JAKMIP3: variants seen among roughly 807,000 people sequenced by gnomAD.
The protein encoded by JAKMIP3 is Janus kinase and microtubule interacting protein 3, also known as janus kinase and microtubule-interacting protein 3.
Under a neutral mutation model 118.5 loss-of-function variants are expected in JAKMIP3, and 58 were observed. The observed-to-expected ratio is 0.49, with a 90% CI of 0.40 to 0.61. The LOEUF is 0.61. Among genes scored for constraint, JAKMIP3 ranks in the 20% least tolerant of loss-of-function variants. The pLI, the probability that JAKMIP3 is intolerant of heterozygous loss-of-function variation, is 0.00. For missense variants in JAKMIP3, 950 were observed against 1,109.0 expected (o/e 0.86, Z 2.04); for synonymous variants, 486 against 451.2 (o/e 1.08, Z -0.98).
chr10:132,056,534 C>A (rs1436657781), intron 1 of JAKMIP3, among the ~76,000 whole-genome samples: 1 of 152,194 alleles, frequency 6.6e-6, no homozygotes, highest in Non-Finnish European at 1.5e-5. Flanking sequence ...AGAGTTCCTG[C>A]ACCTGGTGTT....
chr10:132,156,778 G>GTCTT (rs1482351216), intron 19 of JAKMIP3, among the ~76,000 whole-genome samples: 14 of 152,340 alleles, frequency 9.2e-5, no homozygotes, highest in Admixed American at 9.1e-4. Context: ...CATAGGTGAA[G>GTCTT]AGGAAAAGAG....
chr10:132,139,070 ATGT>A (rs2052539216), intron 9 of JAKMIP3, among the ~76,000 whole-genome samples: 1 of 104,958 alleles, frequency 9.5e-6, no homozygotes, highest in African/African-American at 3.6e-5. Flanking sequence ...GTGTGTGTGT[ATGT>A]GTATGTGTGT....
intron 1 of JAKMIP3, among the ~76,000 whole-genome samples, chr10:132,071,853 C>T (rs374203341): frequency 2.6e-5 from 3 of 114,938 alleles, no homozygotes; most frequent in African/African-American, 7.6e-5. Flanking sequence ...TTCTTTCTTT[C>T]CTTTCTTTCC....
chr10:132,150,633 A>AATCC (rs1206785302), intron 16 of JAKMIP3, among the ~76,000 whole-genome samples: 1 of 151,938 alleles, frequency 6.6e-6, no homozygotes, highest in African/African-American at 2.4e-5. Flanking sequence ...TATCCTGTGT[A>AATCC]ATCCATCCAT....
chr10:132,142,821 G>A (rs1422432514), intron 11 of JAKMIP3, among the ~76,000 whole-genome samples: 2 of 152,222 alleles, frequency 1.3e-5, no homozygotes, highest in African/African-American at 2.4e-5. Flanking sequence ...CAGCTGTGGG[G>A]TGTGGGGTTC....
intron 23 of JAKMIP3, among the ~76,000 whole-genome samples, chr10:132,180,712 T>TGC (rs1483442696): frequency 2.6e-4 from 7 of 26,540 alleles, no homozygotes; most frequent in East Asian, 6.5e-3. Flanking sequence ...TGTGTGCGCG[T>TGC]GTGTGTGCGT....
At chr10:132,176,811 G>C (rs144084611) in intron 23 of JAKMIP3, among the ~76,000 whole-genome samples, 1 of 151,696 alleles carries the variant, frequency 6.6e-6, no homozygotes, top group Admixed American at 6.6e-5. Flanking sequence ...TGCTTGTTAC[G>C]AGTGCTGCTT....
chr10:132,139,812 G>T (rs57026275), intron 9 of JAKMIP3, among the ~76,000 whole-genome samples: 3,109 of 152,268 alleles, frequency 0.02, 114 homozygotes, highest in African/African-American at 0.069. Flanking sequence ...TCTGGCAGAA[G>T]AACTGGGAGG....
Position 132,093,496 on chromosome 10 carries a change from T to C in JAKMIP3, c.-137-11176T>C, listed in dbSNP as rs892217802. Among the ~76,000 whole-genome samples, 14 of 152,188 alleles carry C rather than the reference T, an allele frequency of 9.2e-5. No individual in the cohort carries two copies. The East Asian group carries it at 1.3e-3, about 15-fold the overall frequency. ...GCAGTTAGATCTCAGACTGCTGTGC[T>C]AGCAATGAGCGAGGCTCCGTGGGCG... On this transcript the variant is annotated intron_variant, in intron 1 of 23. Transcript: ENST00000684848.
At chr10:132,082,195 G>C (rs1270848946) in intron 1 of JAKMIP3, among the ~76,000 whole-genome samples, 2 of 146,170 alleles carry the variant, frequency 1.4e-5, no homozygotes, top group Admixed American at 6.8e-5. Context: ...ATTTTTTTTT[G>C]CTTCCCTTTT....
At chr10:132,138,205 G>A (rs748599999) in intron 9 of JAKMIP3, 27 bp downstream of exon 9, 9 of 1,585,318 alleles carry the variant, frequency 5.7e-6, no homozygotes, top group South Asian at 3.4e-5. Flanking sequence ...CGGCACGTGC[G>A]GAGAGTACGC....
intron 23 of JAKMIP3, among the ~76,000 whole-genome samples, chr10:132,177,521 AGTGTGTGTGT>A (rs4009680): frequency 6.9e-6 from 1 of 144,852 alleles, no homozygotes; most frequent in South Asian, 2.2e-4. Flanking sequence ...TGCCCTGGGT[AGTGTGTGTGT>A]GTGTGCACAC....
intron 10 of JAKMIP3, among the ~76,000 whole-genome samples, chr10:132,141,021 A>G (rs930544381): frequency 1.3e-5 from 2 of 152,220 alleles, no homozygotes; most frequent in African/African-American, 4.8e-5. Flanking sequence ...TGATAACAGC[A>G]CAGGTGTGTC....
intron 10 of JAKMIP3, 44 bp from the exon 11 acceptor site, chr10:132,141,876 T>C (rs1460174834): frequency 1.3e-6 from 2 of 1,569,346 alleles, no homozygotes; most frequent in Non-Finnish European, 1.7e-6. Context: ...TGCTGGCTAC[T>C]GACACTGTGT....
rs969797686 is a variant in JAKMIP3 at position 132,110,953 on chromosome 10, G to T, written c.135+6010G>T. ...TTTTGTCGTGGACACGAAGGCTCCA[G>T]CTCTGGTCTGGGCACAGCAGGGCCC... On this transcript the variant is annotated intron_variant, in intron 2 of 23. Coordinates refer to ENST00000684848, the MANE Select transcript of JAKMIP3 (RefSeq NM_001323087.2). Among the ~76,000 whole-genome samples the T allele has an allele frequency of 2.6e-5, 4 of 152,388 alleles. No individual in the cohort carries two copies. In the East Asian group the frequency reaches 7.7e-4, roughly 29 times the overall value.
At chr10:132,103,065 C>T (rs2045251102) in intron 1 of JAKMIP3, among the ~76,000 whole-genome samples, 1 of 151,998 alleles carries the variant, frequency 6.6e-6, no homozygotes, top group African/African-American at 2.4e-5. Context: ...GCTGTGTTCA[C>T]CGGGAAAGTT....
rs1212634406 is a variant in JAKMIP3 at position 132,104,775 on chromosome 10, C to T, written c.-34C>T. On this transcript the variant is annotated 5_prime_UTR_variant, in exon 2 of 24. Coordinates refer to ENST00000684848, the MANE Select transcript of JAKMIP3 (RefSeq NM_001323087.2). ...AGCCCAGCCCAGCCGGAGCACCCTACCCCTGGGCATCCCCCTGGCCATCCA... is the reference window on the plus strand; with the variant it reads ...AGCCCAGCCCAGCCGGAGCACCCTATCCCTGGGCATCCCCCTGGCCATCCA... 1 of 1,544,744 alleles carries T rather than the reference C, an allele frequency of 6.5e-7. No individual in the cohort carries two copies. Among genetic ancestry groups the T allele is most frequent in the Non-Finnish European group, 8.7e-7 (1 of 1,143,106 alleles).
intron 1 of JAKMIP3, among the ~76,000 whole-genome samples, chr10:132,057,425 C>T (rs1234718896): frequency 1.3e-5 from 2 of 152,212 alleles, no homozygotes; most frequent in Admixed American, 6.5e-5. Context: ...GGCAGGAGCA[C>T]GCCGCCGACT....
intron 11 of JAKMIP3, among the ~76,000 whole-genome samples, chr10:132,142,833 C>T (rs1451484468): frequency 6.6e-6 from 1 of 152,186 alleles, no homozygotes; most frequent in African/African-American, 2.4e-5. Context: ...GTGGGGTTCC[C>T]GTTGGCCTCC....
Sources: allele counts gnomAD v4.1 joint callset (sites outside exome capture counted in the v4.1 genomes callset), GRCh38; gene constraint gnomAD v4.1.1; transcripts MANE v1.5; gene names NCBI Gene and HGNC (gene_info 2026-07-23, HGNC 2026-07-21).